The following CDH12 variants were observed in gnomAD, a reference collection of about 807,000 sequenced individuals.
The protein encoded by CDH12 is cadherin-12.
Under a neutral mutation model 74.1 loss-of-function variants are expected in CDH12, and 41 were observed. The observed-to-expected ratio is 0.55, with a 90% confidence interval of 0.43 to 0.72. The LOEUF is 0.72. CDH12 is among the 30% of genes least tolerant of loss of function. CDH12 has a pLI of 0.00. For synonymous variants in CDH12, 399 were observed against 355.0 expected, an observed-to-expected ratio of 1.12 and a Z score of -1.39; for missense variants, 945 against 977.2, an observed-to-expected ratio of 0.97 and a Z score of 0.44.
chr5:22,475,288 G>A (rs1198634308), intron 2 of CDH12, among the ~76,000 whole-genome samples: 4 of 151,308 alleles, frequency 2.6e-5, no homozygotes, highest in African/African-American at 7.3e-5. Flanking sequence ...AATTTTCTTC[G>A]GGAAATGTTT....
intron 3 of CDH12, among the ~76,000 whole-genome samples, chr5:22,277,676 T>C (rs1188106055): frequency 1.3e-5 from 2 of 150,652 alleles, no homozygotes; most frequent in Middle Eastern, 3.4e-3. Flanking sequence ...CTACCAAAAA[T>C]ACAAAAAATC....
intron 1 of CDH12, among the ~76,000 whole-genome samples, chr5:22,656,812 C>A (rs933498240): frequency 6.6e-6 from 1 of 152,036 alleles, no homozygotes; most frequent in Non-Finnish European, 1.5e-5. Flanking sequence ...AGAATAAATA[C>A]ATTTTTATCT....
At chr5:21,990,242 A>T (rs1757688842) in intron 5 of CDH12, among the ~76,000 whole-genome samples, 1 of 152,154 alleles carries the variant, frequency 6.6e-6, no homozygotes, top group Non-Finnish European at 1.5e-5. Context: ...AAAGGAATGA[A>T]TGCATGCACA....
intron 2 of CDH12, among the ~76,000 whole-genome samples, chr5:22,491,022 A>G (rs774747576): frequency 6.6e-6 from 1 of 152,132 alleles, no homozygotes; most frequent in Non-Finnish European, 1.5e-5. Context: ...CAGGAGGTCC[A>G]CTTGCAGGTT....
intron 3 of CDH12, among the ~76,000 whole-genome samples, chr5:22,301,419 TA>T (rs1737874334): frequency 6.6e-6 from 1 of 152,110 alleles, no homozygotes. Flanking sequence ...TATGGATGCA[TA>T]AAGAAAAATG....
At chr5:22,423,831 G>A (rs1420070921) in intron 2 of CDH12, among the ~76,000 whole-genome samples, 2 of 151,470 alleles carry the variant, frequency 1.3e-5, no homozygotes, top group Non-Finnish European at 2.9e-5. Context: ...GTGAAACCCC[G>A]TCTCTACTAA....
Position 22,690,998 on chromosome 5 carries a change from T to C in CDH12, c.-523+162060A>G, listed in dbSNP as rs184363011. Among the ~76,000 whole-genome samples, 12 of 152,302 alleles carry C rather than the reference T, an allele frequency of 7.9e-5. No individual in the cohort carries two copies. In the East Asian group the frequency reaches 1.7e-3, roughly 22 times the overall value. ...GGACCGATCCATGCAATGAGTTTTATTTCCTTTTAGCTAGATATGATATTT... is the reference window on the plus strand; with the variant it reads ...GGACCGATCCATGCAATGAGTTTTACTTCCTTTTAGCTAGATATGATATTT... On this transcript the variant is annotated intron_variant, in intron 1 of 14. Coordinates refer to ENST00000382254, the MANE Select transcript of CDH12 (RefSeq NM_004061.5).
intron 1 of CDH12, among the ~76,000 whole-genome samples, chr5:22,515,288 T>C (rs1476106709): frequency 6.6e-6 from 1 of 152,072 alleles, no homozygotes; most frequent in Non-Finnish European, 1.5e-5. Context: ...CAGATATTTT[T>C]CCCCATGGAA....
intron 6 of CDH12, among the ~76,000 whole-genome samples, chr5:21,961,114 T>C (rs1459772047): frequency 6.6e-6 from 1 of 152,130 alleles, no homozygotes; most frequent in Non-Finnish European, 1.5e-5. Flanking sequence ...TGTTCATCTA[T>C]TGTTTATTTT....
chr5:21,773,750 AC>A (rs1212149457), intron 11 of CDH12, among the ~76,000 whole-genome samples: 1 of 152,082 alleles, frequency 6.6e-6, no homozygotes, highest in African/African-American at 2.4e-5. Context: ...AGGAATATTC[AC>A]CCTTATTTTG....
intron 2 of CDH12, among the ~76,000 whole-genome samples, chr5:22,471,165 T>A (rs1213471586): frequency 6.6e-6 from 1 of 152,042 alleles, no homozygotes; most frequent in Non-Finnish European, 1.5e-5. Flanking sequence ...AGGAGAAAAA[T>A]TGCACCTGTT....
At chr5:22,692,599 A>C (rs1399548617) in intron 1 of CDH12, among the ~76,000 whole-genome samples, 1 of 152,304 alleles carries the variant, frequency 6.6e-6, no homozygotes, top group East Asian at 1.9e-4. Context: ...CTTGGGCTAC[A>C]AATGGGACTG....
At chr5:22,019,814 A>G (rs1737846742) in intron 5 of CDH12, among the ~76,000 whole-genome samples, 1 of 152,194 alleles carries the variant, frequency 6.6e-6, no homozygotes, top group Admixed American at 6.5e-5. Context: ...TCAATAATTA[A>G]TGATGCCTTG....
chr5:22,060,002 T>C (rs986820645), intron 5 of CDH12, among the ~76,000 whole-genome samples: 2 of 152,146 alleles, frequency 1.3e-5, no homozygotes, highest in African/African-American at 2.4e-5. Flanking sequence ...AGGTAATTTG[T>C]AGAAACCAAC....
chr5:22,651,832 T>G (rs1371828113), intron 1 of CDH12, among the ~76,000 whole-genome samples: 1 of 152,064 alleles, frequency 6.6e-6, no homozygotes, highest in Non-Finnish European at 1.5e-5. Context: ...GGTCTGTGAA[T>G]TATATCTTAA....
intron 3 of CDH12, among the ~76,000 whole-genome samples, chr5:22,305,338 G>A (rs954009991): frequency 6.6e-6 from 1 of 152,108 alleles, no homozygotes; most frequent in African/African-American, 2.4e-5. Flanking sequence ...CCTCAATTCA[G>A]GTACTTCGGC....
intron 6 of CDH12, among the ~76,000 whole-genome samples, chr5:21,884,963 G>A (rs1402096303): frequency 2.6e-5 from 4 of 152,096 alleles, no homozygotes; most frequent in Admixed American, 6.5e-5. Flanking sequence ...TTGGCTCACC[G>A]CAACCTCTGC....
chr5:22,783,301 C>T (rs1001440997), intron 1 of CDH12, among the ~76,000 whole-genome samples: 1 of 151,384 alleles, frequency 6.6e-6, no homozygotes, highest in African/African-American at 2.5e-5. Context: ...GACACACTAT[C>T]CCAGTGAATT....
At chr5:22,670,385 T>A (rs1740843573) in intron 1 of CDH12, among the ~76,000 whole-genome samples, 1 of 152,192 alleles carries the variant, frequency 6.6e-6, no homozygotes. Flanking sequence ...ATCATATTTT[T>A]AAATAACATT....
Sources: allele counts gnomAD v4.1 joint callset (sites outside exome capture counted in the v4.1 genomes callset), GRCh38; gene constraint gnomAD v4.1.1; transcripts MANE v1.5; gene names NCBI Gene and HGNC (gene_info 2026-07-23, HGNC 2026-07-21).